The following LYST variants were observed in gnomAD, a reference collection of about 807,000 sequenced individuals.
LYST encodes the protein lysosomal-trafficking regulator.
A neutral mutation model predicts 413.6 loss-of-function variants in LYST; 192 were observed. The ratio of observed to expected loss-of-function variants is 0.46; its 90% CI spans 0.41 to 0.52. LYST has a LOEUF of 0.52. Ranked by LOEUF, LYST falls within the 20% of genes least tolerant of loss-of-function variation. The pLI is 0.00. For missense variants in LYST, 3,815 were observed against 4,499.9 expected (o/e 0.85, Z 4.35); for synonymous variants, 1,525 against 1,567.3 (o/e 0.97, Z 0.64).
intron 10 of LYST, 133 bp from the exon 11 acceptor site, chr1:235,793,745 C>A (rs1671269456): frequency 2.0e-6 from 1 of 497,772 alleles, no homozygotes; most frequent in Non-Finnish European, 3.6e-6. Flanking sequence ...ATAGGAATCA[C>A]AAAATTTGCT....
At chr1:235,710,535 G>GA (rs1395766687) in intron 43 of LYST, among the ~76,000 whole-genome samples, 5 of 152,128 alleles carry the variant, frequency 3.3e-5, no homozygotes, top group African/African-American at 9.7e-5. Flanking sequence ...ACTGACATAC[G>GA]AGAGTCCCAG....
At chr1:235,787,152 T>C in intron 14 of LYST, 48 bp downstream of exon 14, 1 of 1,420,182 alleles carries the variant, frequency 7.0e-7, no homozygotes, top group Non-Finnish European at 1.0e-6. Flanking sequence ...TAATGAAACA[T>C]AACATTGTAA....
At chr1:235,786,631 A>G (rs1034711461) in intron 14 of LYST, among the ~76,000 whole-genome samples, 1 of 152,120 alleles carries the variant, frequency 6.6e-6, no homozygotes, top group Non-Finnish European at 1.5e-5. Flanking sequence ...TCACAATAGC[A>G]AAGACTTGGA....
intron 1 of LYST, among the ~76,000 whole-genome samples, chr1:235,866,060 G>A (rs964135733): frequency 5.3e-5 from 8 of 152,144 alleles, no homozygotes; most frequent in African/African-American, 1.9e-4. Context: ...AAGAATTAGC[G>A]TTAAGGAAAC....
intron 31 of LYST, chr1:235,737,829 T>C (rs1375984625): frequency 1.1e-6 from 1 of 904,646 alleles, no homozygotes; most frequent in East Asian, 8.3e-5. Flanking sequence ...CAAAAATTAA[T>C]AAACAGGGAA....
chr1:235,712,737 A>G (rs915540605), intron 42 of LYST: 1 of 984,932 alleles, frequency 1.0e-6, no homozygotes, highest in African/African-American at 1.8e-5. Flanking sequence ...TTGGTGTTCT[A>G]ACTCTGAGCT....
chr1:235,738,330 A>ATCTTTAT (rs1665000160), intron 31 of LYST: 2 of 1,611,894 alleles, frequency 1.2e-6, no homozygotes, highest in Non-Finnish European at 1.7e-6. Context: ...AATTTGGTCC[A>ATCTTTAT]GTGTAATGTG....
At chr1:235,751,894 T>C in intron 27 of LYST, 111 bp downstream of exon 27, 1 of 825,698 alleles carries the variant, frequency 1.2e-6, no homozygotes, top group Non-Finnish European at 1.9e-6. Flanking sequence ...ATTACAAAAT[T>C]AATGTTAAAC....
Position 235,674,402 on chromosome 1 carries a change from T to TAA in LYST, c.11038+2687_11038+2688dup, listed in dbSNP as rs112302922. Among the ~76,000 whole-genome samples, 5 of 126,996 alleles carry TAA rather than the reference T, an allele frequency of 3.9e-5. No individual in the cohort carries two copies. Among genetic ancestry groups the TAA allele is most frequent in the Non-Finnish European group, 3.5e-5 (2 of 57,608 alleles). 83.3% of individuals were successfully genotyped at this position (126,996 alleles called of 152,430 possible). A position where few individuals can be genotyped will look rare whatever the true frequency, so the allele number is the denominator to read the frequency against. ...ATCAACCAAATAGAAAGAACAATCG[T>TAA]AAAAAAAAAAAAAAAAGTGTCCCCC... On this transcript the variant is annotated intron_variant, in intron 50 of 52. Transcript: ENST00000389793. The surrounding 1 kb of genome is among the most constrained non-coding windows in gnomAD (Gnocchi z 4.1).
At position 235,678,289 on chromosome 1, in the gene LYST, C is replaced by G. The variant is rs148668054; in HGVS notation, c.10801-670G>C. On this transcript the variant is annotated intron_variant, in intron 48 of 52. Coordinates refer to ENST00000389793, the MANE Select transcript of LYST (RefSeq NM_000081.4). Reference sequence around the variant, plus strand: ...CCAACATGGTGAAACCCTGTCTCTGCTAAAATTTCCAAAATTTTCCTAGTG... The same window carrying G: ...CCAACATGGTGAAACCCTGTCTCTGGTAAAATTTCCAAAATTTTCCTAGTG... 3.4e-3 allele frequency among the ~76,000 whole-genome samples: 511 copies of G among 152,216 alleles called. 2 individuals carry two copies. The highest frequency in any genetic ancestry group is 0.012 in the Admixed American group (185 of 15,290).
At chr1:235,732,660 A>C (rs1413234915) in intron 34 of LYST, among the ~76,000 whole-genome samples, 3 of 152,216 alleles carry the variant, frequency 2.0e-5, no homozygotes, top group Non-Finnish European at 4.4e-5. Flanking sequence ...ATAAAAAGTA[A>C]AATGTGGTAT....
intron 48 of LYST, among the ~76,000 whole-genome samples, chr1:235,683,681 T>A (rs1024207096): frequency 6.6e-6 from 1 of 152,218 alleles, no homozygotes; most frequent in African/African-American, 2.4e-5. Flanking sequence ...TGGCACTTGG[T>A]TGGGGGGCCC....
At chr1:235,776,415 G>T (rs1474770692) in intron 17 of LYST, among the ~76,000 whole-genome samples, 1 of 152,162 alleles carries the variant, frequency 6.6e-6, no homozygotes, top group Admixed American at 6.5e-5. Context: ...GGGATAAAAC[G>T]AAGATGGCAT....
intron 45 of LYST, among the ~76,000 whole-genome samples, chr1:235,698,491 G>A (rs1661274824): frequency 6.6e-6 from 1 of 152,180 alleles, no homozygotes; most frequent in Non-Finnish European, 1.5e-5. Flanking sequence ...AGACGTTAGG[G>A]TCAGGCATTT....
At chr1:235,791,636 T>A in intron 12 of LYST, 63 bp downstream of exon 12, 1 of 1,397,790 alleles carries the variant, frequency 7.2e-7, no homozygotes, top group Admixed American at 1.7e-5. Context: ...TTTTTACGGC[T>A]CAAGGAAAAT....
At chr1:235,745,736 A>G (rs531505208) in intron 29 of LYST, among the ~76,000 whole-genome samples, 39 of 152,308 alleles carry the variant, frequency 2.6e-4, no homozygotes, top group African/African-American at 8.4e-4. Flanking sequence ...ATATGCAACA[A>G]CCAGAATGAC....
chr1:235,850,340 T>C (rs545209053), intron 1 of LYST, among the ~76,000 whole-genome samples: 6 of 152,288 alleles, frequency 3.9e-5, no homozygotes, highest in African/African-American at 1.4e-4. Flanking sequence ...AGAATGAAAC[T>C]GGATCCTCAT....
intron 50 of LYST, among the ~76,000 whole-genome samples, chr1:235,667,375 C>G (rs1469394600): frequency 6.6e-6 from 1 of 152,196 alleles, no homozygotes; most frequent in African/African-American, 2.4e-5. Flanking sequence ...TACAACCCCC[C>G]CAGAAATCAC....
chr1:235,724,589 T>C (rs998948191), intron 38 of LYST, among the ~76,000 whole-genome samples: 1 of 152,146 alleles, frequency 6.6e-6, no homozygotes, highest in Non-Finnish European at 1.5e-5. Flanking sequence ...GTGTTGTACA[T>C]TCCATGGGTT....
Sources: allele counts gnomAD v4.1 joint callset (sites outside exome capture counted in the v4.1 genomes callset), GRCh38; gene constraint gnomAD v4.1.1; non-coding constraint Gnocchi (gnomAD v3.1); transcripts MANE v1.5; gene names NCBI Gene and HGNC (gene_info 2026-07-23, HGNC 2026-07-21).